Variants in AXL observed in about 807,000 individuals in gnomAD.
The protein encoded by AXL is AXL receptor tyrosine kinase, also known as tyrosine-protein kinase receptor UFO.
A neutral mutation model predicts 104.5 loss-of-function variants in AXL; 52 were observed. The ratio of observed to expected loss-of-function variants is 0.50; its 90% CI spans 0.40 to 0.63. The LOEUF (loss-of-function observed/expected upper bound fraction) is 0.63. Among genes scored for constraint, AXL ranks in the 20% least tolerant of loss-of-function variants. AXL has a pLI of 0.00. For synonymous variants in AXL, 455 were observed against 473.7 expected (o/e 0.96, Z 0.51); for missense variants, 1,024 against 1,188.5 (o/e 0.86, Z 2.04).
Position 41,221,066 on chromosome 19 carries a change from C to T in AXL, c.309-80C>T, listed in dbSNP as rs368102381. 6.7e-5 allele frequency: 92 copies of T among 1,366,686 alleles called. No individual in the cohort carries two copies. The African/African-American group carries it at 1.2e-3, about 18-fold the overall frequency. The allele number at this position is 1,366,686 out of a possible 1,614,324, so 84.7% of individuals were successfully genotyped here. A position where few individuals can be genotyped will look rare whatever the true frequency, so the allele number is the denominator to read the frequency against. ...TGTCATGAGCTTCCAGACTGGACACCCTCTTTCCGTTCTGACAGACCCCCT... is the reference window on the plus strand; with the variant it reads ...TGTCATGAGCTTCCAGACTGGACACTCTCTTTCCGTTCTGACAGACCCCCT... On this transcript the variant is annotated intron_variant, in intron 2 of 19. Transcript: ENST00000301178.
chr19:41,243,567 G>A, intron 11 of AXL, 49 bp from the exon 12 acceptor site: 1 of 1,405,616 alleles, frequency 7.1e-7, no homozygotes, highest in Non-Finnish European at 1.0e-6. Context: ...TTGAGTAGGG[G>A]GTTCCACATG....
chr19:41,219,461 G>T lies in AXL; in HGVS notation c.69G>T (p.Ala23=), dbSNP rs532768963. 1 of 1,606,140 alleles carries T rather than the reference G, an allele frequency of 6.2e-7. No individual in the cohort carries two copies. The highest frequency in any genetic ancestry group is 8.5e-7 in the Non-Finnish European group (1 of 1,176,626). The change falls in exon 1 of 20, where the codon GCG becomes GCT. Residue 23 remains alanine, a synonymous_variant. Coordinates refer to ENST00000301178, the MANE Select transcript of AXL (RefSeq NM_021913.5). ...LAWCLALCGW[A]CMAPRGTQAE... ...GGTGCTTGGCGCTGTGCGGCTGGGC[G>T]TGCATGGCCCCCAGGGGTGAGTGAT...
At chr19:41,232,516 A>T (rs540352202) in intron 6 of AXL, among the ~76,000 whole-genome samples, 1 of 151,992 alleles carries the variant, frequency 6.6e-6, no homozygotes, top group Non-Finnish European at 1.5e-5. Context: ...CCAGCTACTC[A>T]GGAGGCTGAG....
At chr19:41,257,685 C>G (rs2034477146) in intron 19 of AXL, 56 bp downstream of exon 19, 2 of 1,606,802 alleles carry the variant, frequency 1.2e-6, no homozygotes, top group Admixed American at 3.3e-5. Flanking sequence ...CCTGACTACC[C>G]CCAGATGGCC....
intron 19 of AXL, 128 bp downstream of exon 19, chr19:41,257,757 T>C: frequency 8.0e-7 from 1 of 1,245,772 alleles, no homozygotes; most frequent in Non-Finnish European, 1.1e-6. Flanking sequence ...AGTGACCCAC[T>C]TGCCCCTCAC....
intron 6 of AXL, among the ~76,000 whole-genome samples, chr19:41,231,550 C>G (rs1414780756): frequency 1.3e-5 from 2 of 152,142 alleles, no homozygotes; most frequent in Non-Finnish European, 2.9e-5. Context: ...ATGGTAGTGC[C>G]TACCTGGTAT....
At chr19:41,228,355 C>T (rs2033918843) in intron 4 of AXL, among the ~76,000 whole-genome samples, 1 of 152,188 alleles carries the variant, frequency 6.6e-6, no homozygotes, top group South Asian at 2.1e-4. Context: ...GAGTTCGAGA[C>T]CAGCCTGGCC....
In AXL at chr19:41,252,957, AC is replaced by A. The variant is rs780753458; in HGVS notation, c.1918del (p.Gln640SerfsTer10). 6.2e-7 allele frequency: 1 copy of A among 1,613,072 alleles called. No individual in the cohort carries two copies. The highest frequency in any genetic ancestry group is 1.1e-5 in the South Asian group (1 of 91,030). On this transcript the variant is annotated frameshift_variant, in exon 16 of 20. Transcript: ENST00000301178. LOFTEE classifies it high-confidence loss of function. ...TTCCTCCTCTATTCCCGGCTCGGGG[AC>A]CAGCCAGTGGTAAGGGGCGTTTAAT... ...HSFLLYSRLG[D>X]QPVYLPTQML...
chr19:41,245,210 G>A (rs2034251428), intron 12 of AXL, among the ~76,000 whole-genome samples: 2 of 152,074 alleles, frequency 1.3e-5, no homozygotes, highest in Non-Finnish European at 1.5e-5. Flanking sequence ...CACCACGCCT[G>A]GCCTGAAGTC....
chr19:41,248,558 G>A lies in AXL; in HGVS notation c.1582G>A (p.Asp528Asn), dbSNP rs200466681. Residue 528 changes from aspartate to asparagine, a missense_variant, in exon 13 of 20, where the codon GAT becomes AAT. Around this residue, in one of 5 missense-constraint regions of AXL, gnomAD observed 523 missense variants for 636.0 expected, o/e 0.82. Coordinates refer to ENST00000301178, the MANE Select transcript of AXL (RefSeq NM_021913.5). Reference protein sequence around the residue: ...ISEELKEKLRDVMVDRHKVAL... With the variant: ...ISEELKEKLRNVMVDRHKVAL... ...TGAAGAGCTGAAGGAGAAGCTGCGGGATGTGATGGTGGACCGGCACAAGGT... is the reference window on the plus strand; with the variant it reads ...TGAAGAGCTGAAGGAGAAGCTGCGGAATGTGATGGTGGACCGGCACAAGGT... 21 of 1,614,094 alleles carry A rather than the reference G, an allele frequency of 1.3e-5. No homozygotes were observed. The highest frequency in any genetic ancestry group is 1.7e-6 in the Non-Finnish European group (2 of 1,180,056).
chr19:41,228,231 A>G (rs1368034633), intron 4 of AXL, among the ~76,000 whole-genome samples: 2 of 151,962 alleles, frequency 1.3e-5, no homozygotes, highest in African/African-American at 4.8e-5. Context: ...CACGTTAGGG[A>G]GGGAAGGCAA....
At chr19:41,243,780 T>C (rs572065773) in intron 12 of AXL, 73 bp downstream of exon 12, 12 of 1,363,360 alleles carry the variant, frequency 8.8e-6, no homozygotes, top group South Asian at 7.0e-5. Context: ...GCTGGGCTTC[T>C]GTACATGTGT....
At position 41,231,232 on chromosome 19, in the gene AXL, G is replaced by A. The variant is rs142452494; in HGVS notation, c.717G>A (p.Thr239=). Residue 239 remains threonine, a synonymous_variant, in exon 6 of 20, where the codon ACG becomes ACA. Transcript: ENST00000301178. ...TCCACCTGGTCTCCCGCCAACCCAC[G>A]GAGCTGGAGGTGGCTTGGACTCCAG... ...RNLHLVSRQP[T]ELEVAWTPGL... 32 of 1,613,740 alleles carry A rather than the reference G, an allele frequency of 2.0e-5. No individual in the cohort carries two copies. The highest frequency in any genetic ancestry group is 1.3e-4 in the East Asian group (6 of 44,898).
rs758142178 is a variant in AXL at position 41,220,876 on chromosome 19, C to T, written c.308+18C>T. 37 of 1,610,148 alleles carry T rather than the reference C, an allele frequency of 2.3e-5. No homozygotes were observed. The highest frequency in any genetic ancestry group is 2.9e-5 in the Non-Finnish European group (34 of 1,177,192). On this transcript the variant is annotated intron_variant, in intron 2 of 19. Transcript: ENST00000301178. ...CAGCTCAGGTGTGTGGCCACATCCC[C>T]GAATCCCACTCCCACCTCCGTCACA...
rs61737385 is a variant in AXL, at chr19:41,259,789, C to T, written c.2570C>T (p.Ala857Val). The stretch of plus-strand genomic sequence containing the variant: ...AAGGATTCCTGTAGCTGCCTCACTG[C>T]GGCTGAGGTCCATCCTGCTGGACGC... ...DPKDSCSCLT[A>V]AEVHPAGRYV... Residue 857 changes from alanine (A) to valine (V), a missense_variant, in exon 20 of 20, where the codon GCG becomes GTG. Ala to Val is a moderately conservative substitution (Grantham distance 64). Around this residue, in one of 5 missense-constraint regions of AXL, gnomAD observed 523 missense variants for 636.0 expected, o/e 0.82. Coordinates refer to ENST00000301178, the MANE Select transcript of AXL (RefSeq NM_021913.5). The T allele has an allele frequency of 5.0e-5, 81 of 1,613,974 alleles. No individual in the cohort carries two copies. The highest frequency in any genetic ancestry group is 6.4e-5 in the Non-Finnish European group (75 of 1,180,018).
chr19:41,250,868 G>A (rs1162816534), intron 14 of AXL, among the ~76,000 whole-genome samples: 1 of 152,072 alleles, frequency 6.6e-6, no homozygotes, highest in African/African-American at 2.4e-5. Flanking sequence ...CCTCCCACTG[G>A]TTATAGTCTT....
chr19:41,259,625 T>C lies in AXL; in HGVS notation c.2406T>C (p.Asp802=), dbSNP rs148013323. Residue 802 remains aspartate, a synonymous_variant, in exon 20 of 20, where the codon GAT becomes GAC. Transcript: ENST00000301178. ...DRPSFTELRE[D]LENTLKALPP... ...CAAGTTTTACAGAGCTGCGGGAAGA[T>C]TTGGAGAACACACTGAAGGCCTTGC... 30 of 1,613,836 alleles carry C rather than the reference T, an allele frequency of 1.9e-5. No individual in the cohort carries two copies. In the African/African-American group the frequency reaches 3.7e-4, roughly 20 times the overall value.
intron 3 of AXL, 100 bp downstream of exon 3, chr19:41,221,346 T>G: frequency 9.4e-7 from 1 of 1,058,298 alleles, no homozygotes; most frequent in Non-Finnish European, 1.4e-6. Flanking sequence ...CAAAGGGTGC[T>G]GGAGGATTCA....
At chr19:41,245,205 C>A (rs758512118) in intron 12 of AXL, among the ~76,000 whole-genome samples, 2 of 152,130 alleles carry the variant, frequency 1.3e-5, no homozygotes, top group Non-Finnish European at 2.9e-5. Context: ...TGAGCCACCA[C>A]GCCTGGCCTG....
Sources: allele counts gnomAD v4.1 joint callset (sites outside exome capture counted in the v4.1 genomes callset), GRCh38; gene constraint gnomAD v4.1.1; regional missense constraint gnomAD v4.1.1; transcripts MANE v1.5; gene names NCBI Gene and HGNC (gene_info 2026-07-23, HGNC 2026-07-21).